CHN1: variants seen among roughly 807,000 people sequenced by gnomAD.
CHN1 encodes the protein chimerin 1.
A neutral mutation model predicts 59.5 loss-of-function variants in CHN1; 37 were observed. That is an observed-to-expected ratio of 0.62 (90% CI 0.48 to 0.82). CHN1 has a LOEUF of 0.82. Among genes scored for constraint, CHN1 ranks in the 40% least tolerant of loss-of-function variants. CHN1 has a pLI of 0.00. For synonymous variants in CHN1, 206 were observed against 200.4 expected, an observed-to-expected ratio of 1.03 and a Z score of -0.24; for missense variants, 469 against 571.0, an observed-to-expected ratio of 0.82 and a Z score of 1.82.
At chr2:174,808,878 A>G in intron 11 of CHN1, 27 bp downstream of exon 11, 1 of 1,611,610 alleles carries the variant, frequency 6.2e-7, no homozygotes. Context: ...TTGTCAGGTT[A>G]TTTGAAATAC....
chr2:174,996,335 C>T (rs1424550649), intron 1 of CHN1, among the ~76,000 whole-genome samples: 1 of 152,200 alleles, frequency 6.6e-6, no homozygotes, highest in Non-Finnish European at 1.5e-5. Flanking sequence ...AGAAATATTA[C>T]AAAACCACTT....
chr2:174,834,532 T>C (rs1000387205), intron 7 of CHN1, among the ~76,000 whole-genome samples: 3 of 152,232 alleles, frequency 2.0e-5, no homozygotes, highest in African/African-American at 7.2e-5. Context: ...TTGCTAAATA[T>C]AGGATTCAAG....
At chr2:174,927,789 T>C (rs1247164374) in intron 3 of CHN1, among the ~76,000 whole-genome samples, 2 of 152,232 alleles carry the variant, frequency 1.3e-5, no homozygotes, top group South Asian at 2.1e-4. Flanking sequence ...GTTCACCCTG[T>C]GAAAAATGAT....
At position 174,918,383 on chromosome 2, in the gene CHN1, A is replaced by C; in HGVS notation, c.146+151T>G. ...CTTGTCTTTATTGTCTATATTGTTC[A>C]CCAATTAGATCACATTTGAAATTTT... On this transcript the variant is annotated intron_variant, in intron 4 of 12. Transcript: ENST00000409900. 9.9e-6 allele frequency: 5 copies of C among 502,566 alleles called. No individual in the cohort carries two copies. In the South Asian group the frequency reaches 2.4e-4, roughly 24 times the overall value. 31.1% of individuals were successfully genotyped at this position (502,566 alleles called of 1,614,324 possible). A position where few individuals can be genotyped will look rare whatever the true frequency, so the allele number is the denominator to read the frequency against.
chr2:174,907,148 G>A (rs1265371112), intron 5 of CHN1, among the ~76,000 whole-genome samples: 1 of 152,166 alleles, frequency 6.6e-6, no homozygotes. Flanking sequence ...TGAGCATGAG[G>A]TCCAGAGCAA....
At chr2:174,901,640 C>T (rs1688392176) in intron 5 of CHN1, among the ~76,000 whole-genome samples, 1 of 152,114 alleles carries the variant, frequency 6.6e-6, no homozygotes, top group African/African-American at 2.4e-5. Context: ...CTTGTATCTC[C>T]AGCACCTAGA....
At chr2:174,942,056 G>T (rs973954648) in intron 3 of CHN1, among the ~76,000 whole-genome samples, 5 of 152,162 alleles carry the variant, frequency 3.3e-5, no homozygotes, top group Non-Finnish European at 5.9e-5. Context: ...TACACTGATG[G>T]TGGGAATGCA....
intron 1 of CHN1, among the ~76,000 whole-genome samples, chr2:174,967,008 G>A (rs986740397): frequency 1.3e-5 from 2 of 152,126 alleles, no homozygotes; most frequent in African/African-American, 2.4e-5. Context: ...CGCAAAACTC[G>A]ATAACGACAA....
chr2:174,990,926 T>C lies in CHN1; in HGVS notation c.19+13968A>G, dbSNP rs533000042. ...AGACTTAAGAGGCAAAATCATCTTA[T>C]AGGAACAACTTACAGGAGTAGTAAA... On this transcript the variant is annotated intron_variant, in intron 1 of 12. Transcript: ENST00000409900. Among the ~76,000 whole-genome samples, 6 of 152,316 alleles carry C rather than the reference T, an allele frequency of 3.9e-5. No individual in the cohort carries two copies. The South Asian group carries it at 6.2e-4, about 16-fold the overall frequency.
chr2:174,809,141 G>T, intron 10 of CHN1, 99 bp from the exon 11 acceptor site: 1 of 1,109,584 alleles, frequency 9.0e-7, no homozygotes, highest in Non-Finnish European at 1.2e-6. Context: ...TTAAAGATTA[G>T]CAATTCTTCA....
chr2:174,970,275 C>A (rs1690720009), intron 1 of CHN1, among the ~76,000 whole-genome samples: 2 of 152,140 alleles, frequency 1.3e-5, no homozygotes, highest in African/African-American at 4.8e-5. Context: ...GGGTTGTGAG[C>A]TGAACTAGCT....
At chr2:174,897,576 G>A (rs1276856739) in intron 5 of CHN1, among the ~76,000 whole-genome samples, 2 of 150,426 alleles carry the variant, frequency 1.3e-5, no homozygotes, top group Admixed American at 1.3e-4. Context: ...TATTCCCCCC[G>A]CCTCCTGTAG....
At chr2:174,913,636 G>C (rs930901407) in intron 5 of CHN1, among the ~76,000 whole-genome samples, 1 of 152,062 alleles carries the variant, frequency 6.6e-6, no homozygotes, top group Non-Finnish European at 1.5e-5. Context: ...AAATTTCCAT[G>C]AACTCCTGTG....
rs570081932 is a variant in CHN1, at chr2:174,890,306, T to C, written c.261-12178A>G. The stretch of plus-strand genomic sequence containing the variant: ...TCATGGAAAATAGACTTTTACTAAG[T>C]AAAAAGCTGTTACAAGAGGCAAAGA... On this transcript the variant is annotated intron_variant, in intron 5 of 12. Coordinates refer to ENST00000409900, the MANE Select transcript of CHN1 (RefSeq NM_001822.7). 3.0e-3 allele frequency among the ~76,000 whole-genome samples: 459 copies of C among 152,138 alleles called. 1 individual carries two copies. Among genetic ancestry groups the C allele is most frequent in the Non-Finnish European group, 5.2e-3 (353 of 67,992 alleles).
Position 174,832,258 on chromosome 2 carries a change from C to T in CHN1, c.628-7740G>A, listed in dbSNP as rs576059750. On this transcript the variant is annotated intron_variant, in intron 7 of 12. Transcript: ENST00000409900. ...TGTAGTTAAAACCCTTTTTAAAATC[C>T]CAGTAAATTCTGGGATTTAAAAAAT... Among the ~76,000 whole-genome samples the T allele has an allele frequency of 3.8e-4, 57 of 151,962 alleles. No individual in the cohort carries two copies. The South Asian group carries it at 0.011, about 30-fold the overall frequency.
At chr2:174,935,426 CATATT>C (rs1366172621) in intron 3 of CHN1, among the ~76,000 whole-genome samples, 1 of 152,118 alleles carries the variant, frequency 6.6e-6, no homozygotes, top group Non-Finnish European at 1.5e-5. Flanking sequence ...TTTTGTAAGC[CATATT>C]ATAAGAACAT....
intron 6 of CHN1, among the ~76,000 whole-genome samples, chr2:174,855,792 T>C (rs1413016533): frequency 6.6e-6 from 1 of 152,166 alleles, no homozygotes; most frequent in East Asian, 1.9e-4. Flanking sequence ...TTAAGAATTG[T>C]ATACTTTAAA....
intron 1 of CHN1, among the ~76,000 whole-genome samples, chr2:174,984,923 C>G (rs958709567): frequency 6.6e-6 from 1 of 152,042 alleles, no homozygotes; most frequent in Non-Finnish European, 1.5e-5. Context: ...CAAACCTTCA[C>G]AAGAATGAAG....
rs1690694884 is a variant in CHN1 at position 174,969,602 on chromosome 2, T to C, written c.20-17400A>G. Among the ~76,000 whole-genome samples, 3 of 152,308 alleles carry C rather than the reference T, an allele frequency of 2.0e-5. No homozygotes were observed. The South Asian group carries it at 6.2e-4, about 32-fold the overall frequency. ...TAGAATCTTCCTGCCCAGGTGTCTC[T>C]ATAGTTTGCTCCGTCACCTACTTCA... On this transcript the variant is annotated intron_variant, in intron 1 of 12. Coordinates refer to ENST00000409900, the MANE Select transcript of CHN1 (RefSeq NM_001822.7).
Sources: gnomAD v4.1 joint callset for allele counts (sites outside exome capture counted in the v4.1 genomes callset) on GRCh38, gnomAD v4.1.1 for gene constraint, MANE v1.5 for transcripts, NCBI Gene and HGNC (gene_info 2026-07-23, HGNC 2026-07-21) for gene names.